COL4A1: variants seen among roughly 807,000 people sequenced by gnomAD.
COL4A1 encodes the protein collagen type IV alpha 1 chain.
In COL4A1, 40 loss-of-function variants were observed where a neutral mutation model predicts 216.6. The ratio of observed to expected loss-of-function variants is 0.18; its 90% CI spans 0.14 to 0.24. COL4A1 has a LOEUF of 0.24. Ranked by LOEUF, COL4A1 falls within the 10% of genes least tolerant of loss-of-function variation. The pLI, the probability that COL4A1 is intolerant of heterozygous loss-of-function variation, is 1.00. For synonymous variants in COL4A1, 839 were observed against 810.7 expected (o/e 1.03, Z -0.59); for missense variants, 1,628 against 2,196.8 (o/e 0.74, Z 5.18).
chr13:110,293,916 A>G (rs889110688), intron 1 of COL4A1, among the ~76,000 whole-genome samples: 3 of 152,202 alleles, frequency 2.0e-5, no homozygotes, highest in African/African-American at 4.8e-5. Context: ...GTGTTCTCAC[A>G]GCAATAGTTT....
chr13:110,199,789 A>G (rs891322474), intron 20 of COL4A1, among the ~76,000 whole-genome samples: 1 of 152,176 alleles, frequency 6.6e-6, no homozygotes, highest in Admixed American at 6.5e-5. Flanking sequence ...GAGACCACTA[A>G]GGGTTAGATA....
intron 1 of COL4A1, among the ~76,000 whole-genome samples, chr13:110,290,488 T>C (rs1244123845): frequency 6.6e-6 from 1 of 152,168 alleles, no homozygotes; most frequent in Non-Finnish European, 1.5e-5. Flanking sequence ...TACAAACCCA[T>C]AGCATTCCTT....
At chr13:110,300,311 C>T (rs1388008350) in intron 1 of COL4A1, among the ~76,000 whole-genome samples, 3 of 152,178 alleles carry the variant, frequency 2.0e-5, no homozygotes, top group Non-Finnish European at 2.9e-5. Context: ...CTCCTCTGAA[C>T]GTGCATCATC....
intron 1 of COL4A1, among the ~76,000 whole-genome samples, chr13:110,246,914 G>A (rs1302031667): frequency 3.9e-5 from 6 of 152,138 alleles, no homozygotes; most frequent in African/African-American, 1.4e-4. Context: ...AGTGGGTCAC[G>A]AAGGCAGTCT....
intron 2 of COL4A1, among the ~76,000 whole-genome samples, chr13:110,218,578 C>T (rs1402544202): frequency 6.6e-6 from 1 of 152,224 alleles, no homozygotes; most frequent in Non-Finnish European, 1.5e-5. Flanking sequence ...GGATGCTGAA[C>T]TAGCCAATTG....
At chr13:110,271,284 AAAGT>A (rs1883235411) in intron 1 of COL4A1, among the ~76,000 whole-genome samples, 1 of 152,200 alleles carries the variant, frequency 6.6e-6, no homozygotes, top group Non-Finnish European at 1.5e-5. Flanking sequence ...GTTACGGTGC[AAAGT>A]AAGAGGAGAA....
chr13:110,153,750 C>T (rs1372252823), intron 50 of COL4A1, among the ~76,000 whole-genome samples: 1 of 152,170 alleles, frequency 6.6e-6, no homozygotes, highest in Non-Finnish European at 1.5e-5. Context: ...ATCAACCCAG[C>T]AAATCATACA....
chr13:110,213,687 G>T, intron 4 of COL4A1, 95 bp downstream of exon 4: 4 of 1,272,714 alleles, frequency 3.1e-6, no homozygotes, highest in Non-Finnish European at 4.6e-6. Context: ...GATGGAGGAC[G>T]AGGGCAAGGA....
At chr13:110,258,445 C>A (rs547924923) in intron 1 of COL4A1, among the ~76,000 whole-genome samples, 1 of 152,184 alleles carries the variant, frequency 6.6e-6, no homozygotes, top group African/African-American at 2.4e-5. Flanking sequence ...GCGGCTAAGG[C>A]AGGAGAATCG....
rs556276239 is a variant in COL4A1 at position 110,174,028 on chromosome 13, G to A, written c.3407-30C>T. On this transcript the variant is annotated intron_variant, in intron 39 of 51. Transcript: ENST00000375820. ...AAGAGAAAAGTCACATCAGACACCC[G>A]CATAACCTCTCACAGCACCCTAGCT... 89 of 1,609,712 alleles carry A rather than the reference G, an allele frequency of 5.5e-5. 2 individuals are homozygous for A. Among genetic ancestry groups the A allele is most frequent in the South Asian group, 2.8e-4 (25 of 90,892 alleles).
At chr13:110,168,997 C>G (rs1310482806) in intron 43 of COL4A1, among the ~76,000 whole-genome samples, 3 of 152,068 alleles carry the variant, frequency 2.0e-5, no homozygotes, top group African/African-American at 7.2e-5. Flanking sequence ...TCCATGACCA[C>G]CACTAAGAAG....
intron 1 of COL4A1, among the ~76,000 whole-genome samples, chr13:110,272,610 A>G (rs755988093): frequency 6.6e-6 from 1 of 152,208 alleles, no homozygotes; most frequent in African/African-American, 2.4e-5. Context: ...CATTGCACAC[A>G]TGGATGTTCC....
Position 110,243,730 on chromosome 13 carries a change from G to C in COL4A1, c.85-996C>G, listed in dbSNP as rs545868440. Among the ~76,000 whole-genome samples, 226 of 152,328 alleles carry C rather than the reference G, an allele frequency of 1.5e-3. 1 individual carries two copies. The highest frequency in any genetic ancestry group is 2.6e-3 in the Non-Finnish European group (174 of 68,038). ...CTACCACGTGTTCAAACGCTTACCAGGTGCCACGCACAGTCAGCGATCATC... is the reference window on the plus strand; with the variant it reads ...CTACCACGTGTTCAAACGCTTACCACGTGCCACGCACAGTCAGCGATCATC... On this transcript the variant is annotated intron_variant, in intron 1 of 51. Transcript: ENST00000375820.
intron 1 of COL4A1, among the ~76,000 whole-genome samples, chr13:110,272,636 C>T (rs921868577): frequency 1.3e-5 from 2 of 152,180 alleles, no homozygotes; most frequent in Admixed American, 6.5e-5. Context: ...GGTGACACTT[C>T]GCTACAAATG....
chr13:110,246,467 T>C (rs961071766), intron 1 of COL4A1, among the ~76,000 whole-genome samples: 2 of 152,196 alleles, frequency 1.3e-5, no homozygotes, highest in African/African-American at 4.8e-5. Flanking sequence ...TGTTGTAAAT[T>C]ACTGTGTTTA....
chr13:110,198,342 A>G lies in COL4A1; in HGVS notation c.1285+125T>C. The G allele has an allele frequency of 3.1e-6, 3 of 978,398 alleles. No individual in the cohort carries two copies. The South Asian group carries it at 4.5e-5, about 15-fold the overall frequency. The allele number at this position is 978,398 out of a possible 1,614,324, so 60.6% of individuals were successfully genotyped here. A position where few individuals can be genotyped will look rare whatever the true frequency, so the allele number is the denominator to read the frequency against. On this transcript the variant is annotated intron_variant, in intron 21 of 51. Transcript: ENST00000375820. The stretch of plus-strand genomic sequence containing the variant: ...TTCCCTTAGAGGAATATGGATGATT[A>G]GAAGAATCCACGCCTTTCTATTACA...
At chr13:110,246,348 A>G (rs1397742036) in intron 1 of COL4A1, among the ~76,000 whole-genome samples, 3 of 111,968 alleles carry the variant, frequency 2.7e-5, no homozygotes, top group Admixed American at 8.5e-5. Flanking sequence ...TGCTAAAAAG[A>G]AAAAAAAAAT....
At chr13:110,230,609 A>T (rs483018) in intron 2 of COL4A1, among the ~76,000 whole-genome samples, 69,146 of 151,816 alleles carry the variant, frequency 0.46, 16,215 homozygotes, top group East Asian at 0.73. Context: ...TGCAGAAGCC[A>T]CTGCACCTCC....
At chr13:110,193,676 G>A (rs1215316798) in intron 22 of COL4A1, among the ~76,000 whole-genome samples, 2 of 152,252 alleles carry the variant, frequency 1.3e-5, no homozygotes, top group African/African-American at 4.8e-5. Flanking sequence ...AGCCGCACAC[G>A]GGCACTGCTA....
Sources: allele counts gnomAD v4.1 joint callset (sites outside exome capture counted in the v4.1 genomes callset), GRCh38; gene constraint gnomAD v4.1.1; transcripts MANE v1.5; gene names NCBI Gene and HGNC (gene_info 2026-07-23, HGNC 2026-07-21).